The following UBE2E2 variants were observed in gnomAD, a reference collection of about 807,000 sequenced individuals.
The protein encoded by UBE2E2 is ubiquitin conjugating enzyme E2 E2, also known as ubiquitin-conjugating enzyme E2 E2.
Under a neutral mutation model 24.7 loss-of-function variants are expected in UBE2E2, and 6 were observed. The observed-to-expected ratio is 0.24, with a 90% confidence interval of 0.13 to 0.48. The LOEUF (loss-of-function observed/expected upper bound fraction) is 0.48. UBE2E2 is among the 20% of genes least tolerant of loss of function. The pLI, the probability that UBE2E2 is intolerant of heterozygous loss-of-function variation, is 0.99. For synonymous variants in UBE2E2, 104 were observed against 83.6 expected (o/e 1.24, Z -1.33); for missense variants, 169 against 245.0 (o/e 0.69, Z 2.07).
chr3:23,532,352 C>G (rs769358077), intron 4 of UBE2E2, among the ~76,000 whole-genome samples: 2 of 152,178 alleles, frequency 1.3e-5, no homozygotes, highest in Admixed American at 6.5e-5. Context: ...GTTTATTTCT[C>G]TGTGCCCAAA....
chr3:23,560,794 G>T (rs1695909068), intron 5 of UBE2E2, among the ~76,000 whole-genome samples: 1 of 152,094 alleles, frequency 6.6e-6, no homozygotes, highest in African/African-American at 2.4e-5. Flanking sequence ...TTGTGGTTTT[G>T]ATTTGCATTT....
intron 3 of UBE2E2, among the ~76,000 whole-genome samples, chr3:23,378,151 C>T (rs987948906): frequency 6.9e-6 from 1 of 144,968 alleles, no homozygotes; most frequent in Non-Finnish European, 1.5e-5. Flanking sequence ...AAACTGAGCT[C>T]AGAAACATGA....
At position 23,240,561 on chromosome 3, in the gene UBE2E2, A is replaced by G. The variant is rs1164646037; in HGVS notation, c.227+23249A>G. Among the ~76,000 whole-genome samples, 2 of 152,354 alleles carry G rather than the reference A, an allele frequency of 1.3e-5. 1 individual carries two copies. Among genetic ancestry groups the G allele is most frequent in the African/African-American group, 4.8e-5 (2 of 41,586 alleles). On this transcript the variant is annotated intron_variant, in intron 3 of 5. Coordinates refer to ENST00000396703, the MANE Select transcript of UBE2E2 (RefSeq NM_152653.4). Reference sequence around the variant, plus strand: ...AGGTATCTTTGTGTCTGTGGCACACAGCCACACTGTTTATGCCATTATGAA... The same window carrying G: ...AGGTATCTTTGTGTCTGTGGCACACGGCCACACTGTTTATGCCATTATGAA...
At chr3:23,391,819 A>G (rs780656974) in intron 3 of UBE2E2, among the ~76,000 whole-genome samples, 11 of 152,076 alleles carry the variant, frequency 7.2e-5, no homozygotes, top group Non-Finnish European at 1.6e-4. Flanking sequence ...ATTGTGAGGG[A>G]TGTGTATATC....
At chr3:23,312,566 T>C (rs917031761) in intron 3 of UBE2E2, among the ~76,000 whole-genome samples, 2 of 152,210 alleles carry the variant, frequency 1.3e-5, no homozygotes, top group South Asian at 2.1e-4. Context: ...CTGCATTCTC[T>C]CTCCCTGAGT....
intron 5 of UBE2E2, among the ~76,000 whole-genome samples, chr3:23,580,335 T>C (rs1182963239): frequency 6.6e-6 from 1 of 152,190 alleles, no homozygotes; most frequent in Non-Finnish European, 1.5e-5. Flanking sequence ...GAAATTGCCA[T>C]AGCCACCCCA....
At chr3:23,464,290 T>G (rs75176225) in intron 3 of UBE2E2, among the ~76,000 whole-genome samples, 1 of 152,236 alleles carries the variant, frequency 6.6e-6, no homozygotes, top group East Asian at 1.9e-4. Context: ...AACTTACCTT[T>G]ATAGGAAATA....
chr3:23,364,870 C>T (rs1033591628), intron 3 of UBE2E2, among the ~76,000 whole-genome samples: 7 of 152,068 alleles, frequency 4.6e-5, no homozygotes, highest in Non-Finnish European at 8.8e-5. Flanking sequence ...CAAAAGTCCC[C>T]AACAAAATAC....
At chr3:23,459,277 G>A (rs1575644360) in intron 3 of UBE2E2, among the ~76,000 whole-genome samples, 1 of 152,186 alleles carries the variant, frequency 6.6e-6, no homozygotes, top group African/African-American at 2.4e-5. Context: ...TTTTGTAGCT[G>A]ATTCAACAAA....
At chr3:23,396,977 G>A (rs1697094580) in intron 3 of UBE2E2, among the ~76,000 whole-genome samples, 2 of 152,094 alleles carry the variant, frequency 1.3e-5, no homozygotes, top group Admixed American at 1.3e-4. Context: ...GCAATGTGCT[G>A]GCTCTTGTGA....
chr3:23,453,066 T>A (rs1698601000), intron 3 of UBE2E2, among the ~76,000 whole-genome samples: 1 of 152,176 alleles, frequency 6.6e-6, no homozygotes, highest in Non-Finnish European at 1.5e-5. Context: ...AAATGATAGG[T>A]AAAATATTTT....
At chr3:23,350,653 G>C (rs1413270636) in intron 3 of UBE2E2, among the ~76,000 whole-genome samples, 1 of 152,120 alleles carries the variant, frequency 6.6e-6, no homozygotes, top group East Asian at 1.9e-4. Context: ...AAGACGAAAT[G>C]AATGAAATGA....
chr3:23,269,221 G>A (rs191212290), intron 3 of UBE2E2, among the ~76,000 whole-genome samples: 90 of 145,772 alleles, frequency 6.2e-4, no homozygotes, highest in African/African-American at 2.1e-3. Context: ...TTAAACTAAA[G>A]AACTTCTGCA....
At chr3:23,299,940 A>T (rs1444736337) in intron 3 of UBE2E2, among the ~76,000 whole-genome samples, 5 of 152,128 alleles carry the variant, frequency 3.3e-5, no homozygotes, top group Non-Finnish European at 7.4e-5. Context: ...TAGGTCACTC[A>T]GGACTTGCTT....
intron 3 of UBE2E2, among the ~76,000 whole-genome samples, chr3:23,293,744 C>CT (rs1377755295): frequency 6.6e-6 from 1 of 152,136 alleles, no homozygotes; most frequent in East Asian, 1.9e-4. Context: ...TTAGAACCAT[C>CT]TTTTTTAATT....
chr3:23,214,371 G>A (rs777340802), intron 2 of UBE2E2, among the ~76,000 whole-genome samples: 1 of 151,658 alleles, frequency 6.6e-6, no homozygotes, highest in Non-Finnish European at 1.5e-5. Flanking sequence ...CTCCTGCCTT[G>A]GCCTCCTGAG....
chr3:23,399,226 TAAAG>T (rs1444240806), intron 3 of UBE2E2, among the ~76,000 whole-genome samples: 2 of 152,326 alleles, frequency 1.3e-5, no homozygotes, highest in South Asian at 2.1e-4. Context: ...TCTTTTCACT[TAAAG>T]AAAGCAGTTT....
intron 3 of UBE2E2, among the ~76,000 whole-genome samples, chr3:23,217,758 C>G (rs1274854889): frequency 1.3e-5 from 2 of 151,870 alleles, no homozygotes; most frequent in African/African-American, 4.8e-5. Flanking sequence ...TTCTTGTCGT[C>G]ATTGGTTGTG....
intron 3 of UBE2E2, among the ~76,000 whole-genome samples, chr3:23,394,200 A>G (rs78971814): frequency 0.029 from 4,400 of 152,274 alleles, 110 homozygotes; most frequent in East Asian, 0.13. Flanking sequence ...AGAACACGCA[A>G]TTTTGCCTAA....
Sources: gnomAD v4.1 joint callset for allele counts (sites outside exome capture counted in the v4.1 genomes callset) on GRCh38, gnomAD v4.1.1 for gene constraint, MANE v1.5 for transcripts, NCBI Gene and HGNC (gene_info 2026-07-23, HGNC 2026-07-21) for gene names.